LIMK1: variants seen among roughly 807,000 people sequenced by gnomAD.
The protein encoded by LIMK1 is LIM motif-containing protein kinase.
LIMK1 carries 21 observed loss-of-function variants against 77.6 expected under a neutral mutation model. The ratio of observed to expected loss-of-function variants is 0.27; its 90% CI spans 0.19 to 0.39. The LOEUF (loss-of-function observed/expected upper bound fraction) is 0.39. Ranked by LOEUF, LIMK1 falls within the 10% of genes least tolerant of loss-of-function variation. The pLI is 1.00. For missense variants in LIMK1, 696 were observed against 901.6 expected (o/e 0.77, Z 2.92); for synonymous variants, 358 against 370.0 (o/e 0.97, Z 0.37).
intron 2 of LIMK1, among the ~76,000 whole-genome samples, chr7:74,087,870 A>G (rs1201255446): frequency 6.6e-6 from 1 of 151,810 alleles, no homozygotes; most frequent in Admixed American, 6.6e-5. Flanking sequence ...AATTACAGGC[A>G]TGAGCCACTG....
rs781869110 is a variant in LIMK1 at position 74,115,798 on chromosome 7, C to G, written c.1411-4C>G. 1.9e-6 allele frequency: 3 copies of G among 1,613,642 alleles called. No individual in the cohort carries two copies. The highest frequency in any genetic ancestry group is 2.2e-5 in the South Asian group (2 of 91,046). On this transcript the variant is annotated splice_region_variant and splice_polypyrimidine_tract_variant and intron_variant, in intron 12 of 15. Coordinates refer to ENST00000336180, the MANE Select transcript of LIMK1 (RefSeq NM_002314.4). Reference sequence around the variant, plus strand: ...CCCAGCATGACCCGGCTTCACCTTCCCAGAACAAGAATGTGGTGGTGGCTG... The same window carrying G: ...CCCAGCATGACCCGGCTTCACCTTCGCAGAACAAGAATGTGGTGGTGGCTG...
At chr7:74,106,959 C>G in intron 7 of LIMK1, 51 bp from the exon 8 acceptor site, 2 of 1,483,810 alleles carry the variant, frequency 1.3e-6, no homozygotes, top group Non-Finnish European at 1.8e-6. Flanking sequence ...AGGGCCTTGG[C>G]CGGGTGCTAC....
chr7:74,109,654 G>A (rs1342184692), intron 10 of LIMK1: 2 of 153,098 alleles, frequency 1.3e-5, no homozygotes, highest in Non-Finnish European at 2.9e-5. Context: ...TCAGGAGTTC[G>A]AGACCATCCT....
intron 5 of LIMK1, among the ~76,000 whole-genome samples, chr7:74,099,957 C>CA (rs34776706): frequency 0.19 from 15,322 of 82,098 alleles, 756 homozygotes; most frequent in Non-Finnish European, 0.21. Flanking sequence ...TGCATGTCTA[C>CA]AAAAAAAAAA....
intron 1 of LIMK1, 64 bp downstream of exon 1, chr7:74,084,109 G>A: frequency 1.1e-6 from 1 of 951,146 alleles, no homozygotes; most frequent in Non-Finnish European, 1.5e-6. Context: ...CGTGGGGCAC[G>A]GGAGGGGGCC....
intron 6 of LIMK1, 24 bp from the exon 7 acceptor site, chr7:74,106,053 C>T (rs1037150642): frequency 1.9e-6 from 3 of 1,613,802 alleles, no homozygotes; most frequent in Non-Finnish European, 2.5e-6. Context: ...ACTCCACCCC[C>T]ATTCACATGC....
chr7:74,094,542 G>T (rs1253070592), intron 2 of LIMK1, among the ~76,000 whole-genome samples: 1 of 152,194 alleles, frequency 6.6e-6, no homozygotes, highest in Admixed American at 6.5e-5. Context: ...TGTGACCGAG[G>T]TCATGTGTGA....
intron 2 of LIMK1, among the ~76,000 whole-genome samples, chr7:74,093,506 C>T (rs944722978): frequency 3.3e-5 from 5 of 152,216 alleles, no homozygotes; most frequent in Non-Finnish European, 5.9e-5. Context: ...CGGTCCTCCA[C>T]CTGCTGTTTC....
At chr7:74,088,332 G>C (rs1475625120) in intron 2 of LIMK1, among the ~76,000 whole-genome samples, 3 of 152,140 alleles carry the variant, frequency 2.0e-5, no homozygotes, top group African/African-American at 7.2e-5. Context: ...GAGGCCTTCG[G>C]GGGGCAAGAG....
At chr7:74,111,360 C>G (rs1799694759) in intron 10 of LIMK1, 1 of 400,460 alleles carries the variant, frequency 2.5e-6, no homozygotes, top group Non-Finnish European at 4.6e-6. Context: ...ATCACTTGAG[C>G]CCCGGAGGCG....
chr7:74,106,373 T>C, intron 7 of LIMK1, 130 bp downstream of exon 7: 1 of 975,346 alleles, frequency 1.0e-6, no homozygotes, highest in Non-Finnish European at 1.5e-6. Context: ...AGGTGGAGGC[T>C]GCAGTAAGCT....
intron 5 of LIMK1, among the ~76,000 whole-genome samples, chr7:74,103,139 T>C (rs1047975867): frequency 2.0e-5 from 3 of 151,944 alleles, no homozygotes; most frequent in Non-Finnish European, 4.4e-5. Flanking sequence ...AAATGCTGGG[T>C]TTACAGGCAT....
chr7:74,108,834 A>G (rs1322954427), intron 9 of LIMK1, 71 bp from the exon 10 acceptor site: 1 of 1,565,264 alleles, frequency 6.4e-7, no homozygotes, highest in African/African-American at 1.4e-5. Flanking sequence ...TGGGATGGAA[A>G]AGGGAGAAGC....
intron 2 of LIMK1, among the ~76,000 whole-genome samples, chr7:74,091,074 C>T (rs929879345): frequency 6.6e-5 from 10 of 152,078 alleles, no homozygotes; most frequent in East Asian, 1.9e-4. Flanking sequence ...CCACCACACC[C>T]GGCTAATTTT....
chr7:74,112,775 A>G (rs1308246155), intron 12 of LIMK1, among the ~76,000 whole-genome samples: 1 of 151,980 alleles, frequency 6.6e-6, no homozygotes, highest in Non-Finnish European at 1.5e-5. Flanking sequence ...CAGTGAGCCA[A>G]GATCGCGCCA....
chr7:74,093,222 T>A (rs1554695031), intron 2 of LIMK1: 6 of 1,535,422 alleles, frequency 3.9e-6, no homozygotes, highest in Admixed American at 3.9e-5. Flanking sequence ...CCCTTAGACC[T>A]CCAGAGCCCC....
intron 2 of LIMK1, among the ~76,000 whole-genome samples, chr7:74,088,477 G>A (rs553474799): frequency 5.7e-4 from 87 of 152,258 alleles, no homozygotes; most frequent in South Asian, 3.1e-3. Flanking sequence ...AGACCGATTC[G>A]TGAAGGGCCT....
chr7:74,109,465 A>C (rs1799652007), intron 10 of LIMK1: 1 of 206,012 alleles, frequency 4.9e-6, no homozygotes, highest in Non-Finnish European at 1.0e-5. Context: ...TCATGCCTAT[A>C]ATCTCAGCAC....
intron 2 of LIMK1, 96 bp from the exon 3 acceptor site, chr7:74,096,526 T>C: frequency 6.6e-7 from 1 of 1,519,658 alleles, no homozygotes; most frequent in Non-Finnish European, 9.0e-7. Flanking sequence ...GAAAACTTGT[T>C]CTAATTCTTA....
Sources: gnomAD v4.1 joint callset for allele counts (sites outside exome capture counted in the v4.1 genomes callset) on GRCh38, gnomAD v4.1.1 for gene constraint, MANE v1.5 for transcripts, NCBI Gene and HGNC (gene_info 2026-07-23, HGNC 2026-07-21) for gene names.